The following NTNG1 variants were observed in gnomAD, a reference collection of about 807,000 sequenced individuals.
NTNG1 encodes netrin-G1.
In NTNG1, 16 loss-of-function variants were observed where a neutral mutation model predicts 54.0. The ratio of observed to expected loss-of-function variants is 0.30; its 90% CI spans 0.20 to 0.45. The LOEUF is 0.45. Among genes scored for constraint, NTNG1 ranks in the 20% least tolerant of loss-of-function variants. The probability of loss-of-function intolerance (pLI) is 1.00; values close to 1 mark genes in which losing one functional copy is unlikely to be tolerated. For missense variants in NTNG1, 530 were observed against 678.7 expected (o/e 0.78, Z 2.43); for synonymous variants, 255 against 263.1 (o/e 0.97, Z 0.30).
intron 3 of NTNG1, among the ~76,000 whole-genome samples, chr1:107,393,618 G>A (rs537917067): frequency 2.0e-5 from 3 of 151,750 alleles, no homozygotes; most frequent in South Asian, 2.1e-4. Context: ...ATAGACCCCC[G>A]AGAAAGCTGT....
chr1:107,439,806 C>T (rs1043228577), intron 7 of NTNG1, among the ~76,000 whole-genome samples: 2 of 152,032 alleles, frequency 1.3e-5, no homozygotes, highest in African/African-American at 4.8e-5. Context: ...TAGCATGCCA[C>T]TAGCACCTGC....
At chr1:107,141,586 G>C (rs1328181225) in intron 1 of NTNG1, 1 of 152,276 alleles carries the variant, frequency 6.6e-6, no homozygotes, top group Non-Finnish European at 1.5e-5. Flanking sequence ...GGGAGGGAAG[G>C]CTCCGGGTGG....
chr1:107,238,014 C>A (rs531743530), intron 2 of NTNG1, among the ~76,000 whole-genome samples: 1 of 152,094 alleles, frequency 6.6e-6, no homozygotes, highest in Admixed American at 6.6e-5. Context: ...AATGGTAGAC[C>A]CACTGACAGC....
intron 2 of NTNG1, among the ~76,000 whole-genome samples, chr1:107,186,617 C>G (rs1657480221): frequency 6.6e-6 from 1 of 152,110 alleles, no homozygotes; most frequent in Admixed American, 6.6e-5. Context: ...AGTACTAACT[C>G]TCCGGCCACC....
At chr1:107,172,360 C>G (rs1656314620) in intron 2 of NTNG1, among the ~76,000 whole-genome samples, 1 of 152,144 alleles carries the variant, frequency 6.6e-6, no homozygotes, top group South Asian at 2.1e-4. Context: ...GCATATCAGG[C>G]ACTATTGTAA....
intron 7 of NTNG1, among the ~76,000 whole-genome samples, chr1:107,458,814 A>G (rs1273979448): frequency 6.6e-6 from 1 of 152,156 alleles, no homozygotes; most frequent in Non-Finnish European, 1.5e-5. Flanking sequence ...CAAATTTGTC[A>G]TGCCAATTTC....
At chr1:107,223,815 T>G (rs1238070512) in intron 2 of NTNG1, among the ~76,000 whole-genome samples, 1 of 152,144 alleles carries the variant, frequency 6.6e-6, no homozygotes, top group Non-Finnish European at 1.5e-5. Flanking sequence ...GTAGAGGTGT[T>G]GTCAGGTGAG....
At chr1:107,236,538 T>G (rs1385342010) in intron 2 of NTNG1, among the ~76,000 whole-genome samples, 5 of 152,134 alleles carry the variant, frequency 3.3e-5, no homozygotes, top group African/African-American at 7.2e-5. Context: ...AAAGATTGCT[T>G]AAAGCCCCTG....
At position 107,480,829 on chromosome 1, in the gene NTNG1, C is replaced by G. The variant is rs1478401883; in HGVS notation, c.1609C>G (p.Leu537Val). The change falls in exon 8 of 8, where the codon CTG becomes GTG. Residue 537 changes from leucine to valine, a missense_variant. Coordinates refer to ENST00000370068, the MANE Select transcript of NTNG1 (RefSeq NM_001113226.3). ...LTTLLGTASP[L>V]VF ...CACGCTGCTGGGAACCGCCAGCCCC[C>G]TGGTGTTCTAGGTGTCACCTCCAGC... 1.9e-6 allele frequency: 3 copies of G among 1,562,208 alleles called. No individual in the cohort carries two copies. The highest frequency in any genetic ancestry group is 3.8e-5 in the Admixed American group (2 of 52,512).
intron 7 of NTNG1, among the ~76,000 whole-genome samples, chr1:107,461,133 G>T (rs1392997280): frequency 6.6e-6 from 1 of 152,212 alleles, no homozygotes; most frequent in African/African-American, 2.4e-5. Context: ...TGAGTATACT[G>T]TGTTAAGAAG....
At chr1:107,176,156 A>G (rs1656630192) in intron 2 of NTNG1, among the ~76,000 whole-genome samples, 1 of 152,192 alleles carries the variant, frequency 6.6e-6, no homozygotes, top group Non-Finnish European at 1.5e-5. Flanking sequence ...TTTTGTTGCC[A>G]GTAAATTAGG....
intron 2 of NTNG1, among the ~76,000 whole-genome samples, chr1:107,253,168 T>C (rs948216372): frequency 6.6e-6 from 1 of 152,196 alleles, no homozygotes; most frequent in Non-Finnish European, 1.5e-5. Flanking sequence ...GTTAAAACAG[T>C]CTTGAGAAAG....
intron 3 of NTNG1, among the ~76,000 whole-genome samples, chr1:107,360,628 T>C (rs1381574387): frequency 2.6e-5 from 4 of 152,234 alleles, no homozygotes; most frequent in Non-Finnish European, 5.9e-5. Flanking sequence ...AATAATTTAT[T>C]TGAATTCTGA....
chr1:107,421,286 T>C (rs977412247), intron 5 of NTNG1: 7 of 589,496 alleles, frequency 1.2e-5, no homozygotes, highest in Non-Finnish European at 2.1e-5. Context: ...ATGCATCGAA[T>C]AGTACTGAGA....
chr1:107,363,670 T>C (rs1201204330), intron 3 of NTNG1, among the ~76,000 whole-genome samples: 5 of 152,222 alleles, frequency 3.3e-5, no homozygotes, highest in Admixed American at 2.6e-4. Flanking sequence ...TTGCCAGTTA[T>C]ATAAAGATTG....
intron 2 of NTNG1, among the ~76,000 whole-genome samples, chr1:107,221,978 ACT>A (rs1175642384): frequency 2.6e-5 from 4 of 151,984 alleles, no homozygotes; most frequent in African/African-American, 9.7e-5. Flanking sequence ...CTAATGTCTA[ACT>A]CTGCTTAATT....
chr1:107,203,998 C>T (rs1351147221), intron 2 of NTNG1, among the ~76,000 whole-genome samples: 1 of 151,954 alleles, frequency 6.6e-6, no homozygotes, highest in Non-Finnish European at 1.5e-5. Flanking sequence ...TTCTAATCTA[C>T]TTACTCTTCT....
rs140781978 is a variant in NTNG1, at chr1:107,427,843, T to G, written c.1088-2907T>G. Among the ~76,000 whole-genome samples, 274 of 152,246 alleles carry G rather than the reference T, an allele frequency of 1.8e-3. 2 individuals are homozygous for G. Among genetic ancestry groups the G allele is most frequent in the African/African-American group, 6.2e-3 (259 of 41,562 alleles). On this transcript the variant is annotated intron_variant, in intron 5 of 7. Coordinates refer to ENST00000370068, the MANE Select transcript of NTNG1 (RefSeq NM_001113226.3). The stretch of plus-strand genomic sequence containing the variant: ...AATTATTTATCATTTCCTTTCTAAA[T>G]TAATAAATTAGTTTTTAAACAAGAC...
At chr1:107,270,791 T>C (rs1382149510) in intron 2 of NTNG1, among the ~76,000 whole-genome samples, 1 of 148,170 alleles carries the variant, frequency 6.7e-6, no homozygotes, top group African/African-American at 2.5e-5. Context: ...TTCTTTGAAC[T>C]TAAAAATTAA....
Sources: gnomAD v4.1 joint callset for allele counts (sites outside exome capture counted in the v4.1 genomes callset) on GRCh38, gnomAD v4.1.1 for gene constraint, MANE v1.5 for transcripts, NCBI Gene and HGNC (gene_info 2026-07-23, HGNC 2026-07-21) for gene names.